The following SLC61A1 variants were observed in gnomAD, a reference collection of about 807,000 sequenced individuals.
SLC61A1 encodes solute carrier family 61 member 1.
chr12:53,252,454 CA>C, the SLC61A1 span: 6 of 1,290,192 alleles, frequency 4.7e-6, no homozygotes, highest in Non-Finnish European at 5.9e-6. Flanking sequence ...ACACTGAGGG[CA>C]AAAAGAGGCT....
At chr12:53,252,835 C>T in the SLC61A1 span, 1 of 1,613,652 alleles carries the variant, frequency 6.2e-7, no homozygotes, top group Non-Finnish European at 8.5e-7. Flanking sequence ...GGGGGCCCAC[C>T]ATGCTGGTGA....
At chr12:53,252,541 G>A in the SLC61A1 span, 1 of 1,375,216 alleles carries the variant, frequency 7.3e-7, no homozygotes, top group African/African-American at 1.5e-5. Context: ...ATTTGCGGGA[G>A]CGGGATTATT....
chr12:53,252,895 A>C, the SLC61A1 span: 1 of 1,614,152 alleles, frequency 6.2e-7, no homozygotes, highest in Non-Finnish European at 8.5e-7. Context: ...TGGGGCTGGA[A>C]CTGTCAAGAT....
the SLC61A1 span, chr12:53,251,415 A>C: frequency 6.4e-6 from 2 of 310,434 alleles, no homozygotes; most frequent in South Asian, 1.0e-4. Flanking sequence ...TGAGGAGATG[A>C]TACGGAAGCT....
the SLC61A1 span, chr12:53,253,607 C>T: frequency 1.2e-6 from 2 of 1,613,890 alleles, no homozygotes; most frequent in Non-Finnish European, 1.7e-6. Flanking sequence ...CATACAAGCT[C>T]TATTTGAGAG....
the SLC61A1 span, chr12:53,252,366 C>T: frequency 7.5e-7 from 1 of 1,329,288 alleles, no homozygotes; most frequent in Non-Finnish European, 9.6e-7. Flanking sequence ...GAGTGGGCCT[C>T]TGAGATGCAC....
the SLC61A1 span, chr12:53,252,038 A>C: frequency 7.4e-5 from 91 of 1,235,868 alleles, no homozygotes; most frequent in Non-Finnish European, 9.5e-5. Flanking sequence ...GCGCCCGGGT[A>C]AGGGAAGGAG....
At chr12:53,253,299 A>G in the SLC61A1 span, 1 of 1,614,256 alleles carries the variant, frequency 6.2e-7, no homozygotes, top group Non-Finnish European at 8.5e-7. Context: ...TATATCCATG[A>G]GCACGTGGAA....
chr12:53,251,274 T>C, the SLC61A1 span: 5 of 165,120 alleles, frequency 3.0e-5, no homozygotes, highest in Non-Finnish European at 6.7e-5. Flanking sequence ...GTAGCCAACA[T>C]AGATGGGAGG....
the SLC61A1 span, chr12:53,252,471 G>A: frequency 7.7e-7 from 1 of 1,300,052 alleles, no homozygotes; most frequent in Non-Finnish European, 9.8e-7. Flanking sequence ...AGGCTCCGCA[G>A]CGAGGACGGG....
At chr12:53,254,050 T>G in the SLC61A1 span, 1 of 1,614,008 alleles carries the variant, frequency 6.2e-7, no homozygotes, top group Non-Finnish European at 8.5e-7. Context: ...AAACAGGCAC[T>G]CGGAATATGT....
the SLC61A1 span, chr12:53,252,806 C>G: frequency 6.2e-7 from 1 of 1,611,398 alleles, no homozygotes; most frequent in Non-Finnish European, 8.5e-7. Context: ...TGACTCCCAC[C>G]TCTCTTCCCA....
the SLC61A1 span, chr12:53,253,597 C>G: frequency 6.2e-7 from 1 of 1,613,902 alleles, no homozygotes; most frequent in Non-Finnish European, 8.5e-7. Context: ...TGTTGGGCAC[C>G]ATACAAGCTC....
At chr12:53,252,525 A>G in the SLC61A1 span, 1 of 1,368,790 alleles carries the variant, frequency 7.3e-7, no homozygotes, top group Non-Finnish European at 9.4e-7. Flanking sequence ...GGGAAAGGGC[A>G]GTAGAATTTG....
At chr12:53,253,772 C>A in the SLC61A1 span, 2 of 1,614,078 alleles carry the variant, frequency 1.2e-6, no homozygotes, top group Non-Finnish European at 1.7e-6. Flanking sequence ...TCAGCCCATG[C>A]ACCTGCTGTC....
At chr12:53,252,937 C>G in the SLC61A1 span, 1 of 1,614,230 alleles carries the variant, frequency 6.2e-7, no homozygotes. Context: ...GGGCCTGCAG[C>G]AATCCCTCCT....
At chr12:53,252,917 C>A in the SLC61A1 span, 2 of 1,614,204 alleles carry the variant, frequency 1.2e-6, no homozygotes, top group Non-Finnish European at 8.5e-7. Flanking sequence ...CCGGGCTAAA[C>A]CCCCTGGAAG....
chr12:53,251,608 C>A, the SLC61A1 span: 3 of 1,026,224 alleles, frequency 2.9e-6, no homozygotes, highest in African/African-American at 4.9e-5. Flanking sequence ...TGCGGCTTGC[C>A]CAAGGCCACA....
At chr12:53,253,293 T>C in the SLC61A1 span, 1 of 1,614,134 alleles carries the variant, frequency 6.2e-7, no homozygotes, top group East Asian at 2.2e-5. Flanking sequence ...GCCTGGTATA[T>C]CCATGAGCAC....
Sources: allele counts gnomAD v4.1 joint callset, GRCh38; gene constraint gnomAD v4.1.1; transcripts MANE v1.5; gene names NCBI Gene and HGNC (gene_info 2026-07-23, HGNC 2026-07-21).